Variants in MAST4 observed in about 807,000 individuals in gnomAD.
The protein encoded by MAST4 is microtubule associated serine/threonine kinase family member 4.
Under a neutral mutation model 162.7 loss-of-function variants are expected in MAST4, and 89 were observed. That is an observed-to-expected ratio of 0.55 (90% CI 0.46 to 0.65). The LOEUF is 0.65. MAST4 is among the 30% of genes least tolerant of loss of function. The probability of loss-of-function intolerance (pLI) is 0.00; values close to 1 mark genes in which losing one functional copy is unlikely to be tolerated. For synonymous variants in MAST4, 1,479 were observed against 1,361.1 expected, an observed-to-expected ratio of 1.09 and a Z score of -1.91; for missense variants, 3,153 against 3,374.0, an observed-to-expected ratio of 0.93 and a Z score of 1.62.
At chr5:66,937,906 A>G (rs987787166) in intron 4 of MAST4, among the ~76,000 whole-genome samples, 2 of 151,908 alleles carry the variant, frequency 1.3e-5, no homozygotes, top group Non-Finnish European at 2.9e-5. Flanking sequence ...TTTTATGATT[A>G]TACCCTTTAT....
intron 4 of MAST4, among the ~76,000 whole-genome samples, chr5:66,909,954 T>C (rs754913221): frequency 9.9e-5 from 15 of 152,198 alleles, no homozygotes; most frequent in Non-Finnish European, 1.9e-4. Context: ...TTTGCCGTGA[T>C]TGTTGGGACT....
chr5:67,104,815 A>G (rs533698000), intron 10 of MAST4, among the ~76,000 whole-genome samples: 2 of 152,314 alleles, frequency 1.3e-5, no homozygotes, highest in East Asian at 3.9e-4. Context: ...CCAACAATCT[A>G]TGACTCTAGG....
chr5:66,980,526 T>C (rs1748662733), intron 4 of MAST4, among the ~76,000 whole-genome samples: 1 of 152,202 alleles, frequency 6.6e-6, no homozygotes, highest in Admixed American at 6.5e-5. Flanking sequence ...TTTGGAGCTC[T>C]ATGCCTTGTC....
chr5:66,789,085 G>T (rs1300404133), intron 3 of MAST4, among the ~76,000 whole-genome samples: 1 of 152,080 alleles, frequency 6.6e-6, no homozygotes, highest in African/African-American at 2.4e-5. Context: ...TCATGGAAAA[G>T]TTGCAAGAAT....
At chr5:66,598,718 C>A (rs1333884492) in intron 1 of MAST4, among the ~76,000 whole-genome samples, 1 of 152,112 alleles carries the variant, frequency 6.6e-6, no homozygotes, top group Non-Finnish European at 1.5e-5. Context: ...TTAGTATTGC[C>A]GCTGGTGGAG....
At chr5:66,664,565 A>G (rs1365963518) in intron 1 of MAST4, among the ~76,000 whole-genome samples, 4 of 150,302 alleles carry the variant, frequency 2.7e-5, no homozygotes, top group African/African-American at 7.4e-5. Flanking sequence ...TCTGAAGTTA[A>G]GGGGAAAAAG....
At chr5:67,000,348 A>G (rs910487323) in intron 4 of MAST4, among the ~76,000 whole-genome samples, 15 of 152,234 alleles carry the variant, frequency 9.9e-5, no homozygotes, top group Admixed American at 2.0e-4. Context: ...CAGACTTCAC[A>G]TCCACACTAG....
Position 66,974,045 on chromosome 5 carries a change from T to C in MAST4, c.674+74063T>C, listed in dbSNP as rs62372475. ...AGCAGCTAAAGGAACACTGAAATGA[T>C]ACCTGAGTGGCGCTCTCCTTCACTT... On this transcript the variant is annotated intron_variant, in intron 4 of 28. Transcript: ENST00000403625. Among the ~76,000 whole-genome samples, 363 of 152,254 alleles carry C rather than the reference T, an allele frequency of 2.4e-3. 3 individuals carry two copies. Among genetic ancestry groups the C allele is most frequent in the Non-Finnish European group, 3.8e-3 (257 of 68,016 alleles).
intron 4 of MAST4, among the ~76,000 whole-genome samples, chr5:66,987,334 G>C (rs1011291089): frequency 6.6e-6 from 1 of 152,144 alleles, no homozygotes; most frequent in African/African-American, 2.4e-5. Context: ...TGAGTCATGT[G>C]CAATGTGTTT....
chr5:66,997,347 T>A (rs1946485359), intron 4 of MAST4, among the ~76,000 whole-genome samples: 1 of 152,072 alleles, frequency 6.6e-6, no homozygotes, highest in African/African-American at 2.4e-5. Context: ...CCCATGTCCT[T>A]ACCAACATTG....
chr5:66,657,152 G>C (rs1746602948), intron 1 of MAST4, among the ~76,000 whole-genome samples: 1 of 152,210 alleles, frequency 6.6e-6, no homozygotes, highest in Non-Finnish European at 1.5e-5. Flanking sequence ...TTGCTGATCA[G>C]CTGAATAAAT....
intron 4 of MAST4, among the ~76,000 whole-genome samples, chr5:67,005,807 C>T (rs150042307): frequency 6.6e-6 from 1 of 152,362 alleles, no homozygotes; most frequent in Non-Finnish European, 1.5e-5. Context: ...TTGTGTCCAG[C>T]ACAGAAAAGT....
In MAST4 at chr5:66,717,073, G is replaced by A. The variant is rs1420083664; in HGVS notation, c.364-42636G>A. Among the ~76,000 whole-genome samples, 3 of 152,166 alleles carry A rather than the reference G, an allele frequency of 2.0e-5. No individual in the cohort carries two copies. The East Asian group carries it at 5.8e-4, about 29-fold the overall frequency. Reference sequence around the variant, plus strand: ...CGGGAGGGAAGCGAGGCTTTCCATGGCACACTGGACCCTGAAGAGGAGCGT... The same window carrying A: ...CGGGAGGGAAGCGAGGCTTTCCATGACACACTGGACCCTGAAGAGGAGCGT... On this transcript the variant is annotated intron_variant, in intron 1 of 28. Transcript: ENST00000403625.
At chr5:67,065,487 C>T (rs1245082810) in intron 5 of MAST4, among the ~76,000 whole-genome samples, 1 of 152,128 alleles carries the variant, frequency 6.6e-6, no homozygotes, top group Admixed American at 6.5e-5. Context: ...ACTAACTGTT[C>T]CACAGAGACA....
chr5:66,823,773 G>A (rs1011364811), intron 3 of MAST4, among the ~76,000 whole-genome samples: 2 of 152,164 alleles, frequency 1.3e-5, no homozygotes, highest in Non-Finnish European at 2.9e-5. Flanking sequence ...GGGATTACAG[G>A]TGTGAACCAT....
chr5:66,902,722 T>C (rs1425443753), intron 4 of MAST4: 1 of 469,914 alleles, frequency 2.1e-6, no homozygotes, highest in East Asian at 7.0e-5. Context: ...CAAGATGCTG[T>C]TATGAGATTG....
intron 1 of MAST4, among the ~76,000 whole-genome samples, chr5:66,692,943 T>C: frequency 6.6e-6 from 1 of 152,066 alleles, no homozygotes; most frequent in African/African-American, 2.4e-5. Flanking sequence ...TAATGAAATC[T>C]ATTGCTCATA....
At chr5:67,030,633 G>T (rs1485844646) in intron 4 of MAST4, among the ~76,000 whole-genome samples, 1 of 152,128 alleles carries the variant, frequency 6.6e-6, no homozygotes, top group Non-Finnish European at 1.5e-5. Flanking sequence ...GTGGTTTTAA[G>T]CCCTTCCATT....
intron 2 of MAST4, among the ~76,000 whole-genome samples, chr5:66,785,058 C>G (rs978896241): frequency 6.6e-6 from 1 of 151,968 alleles, no homozygotes; most frequent in Non-Finnish European, 1.5e-5. Context: ...CATGGTAAAA[C>G]CCCGTCTCTA....
Sources: gnomAD v4.1 joint callset for allele counts (sites outside exome capture counted in the v4.1 genomes callset) on GRCh38, gnomAD v4.1.1 for gene constraint, MANE v1.5 for transcripts, NCBI Gene and HGNC (gene_info 2026-07-23, HGNC 2026-07-21) for gene names.